Variants in PPP1R16B observed in about 807,000 individuals in gnomAD.
PPP1R16B encodes protein phosphatase 1 regulatory subunit 16B.
In PPP1R16B, 14 loss-of-function variants were observed where a neutral mutation model predicts 61.7. The ratio of observed to expected loss-of-function variants is 0.23; its 90% confidence interval spans 0.15 to 0.35. The LOEUF (loss-of-function observed/expected upper bound fraction) is 0.35, where lower values mean the gene tolerates loss of function less well. PPP1R16B is among the 10% of genes least tolerant of loss of function. The pLI is 1.00. For missense variants in PPP1R16B, 547 were observed against 752.5 expected, an observed-to-expected ratio of 0.73 and a Z score of 3.19; for synonymous variants, 266 against 305.3, an observed-to-expected ratio of 0.87 and a Z score of 1.34.
chr20:38,898,201 T>C (rs967716680), intron 4 of PPP1R16B, among the ~76,000 whole-genome samples: 1 of 152,242 alleles, frequency 6.6e-6, no homozygotes, highest in African/African-American at 2.4e-5. Flanking sequence ...TTCTTTTGCA[T>C]GCGGATATCC....
intron 10 of PPP1R16B, among the ~76,000 whole-genome samples, chr20:38,909,592 G>T (rs1002891509): frequency 1.3e-5 from 2 of 152,178 alleles, no homozygotes; most frequent in Non-Finnish European, 2.9e-5. Flanking sequence ...TGCCATTTTC[G>T]TTCTTCCACT....
chr20:38,829,493 T>C (rs999589500), intron 1 of PPP1R16B, among the ~76,000 whole-genome samples: 39 of 152,362 alleles, frequency 2.6e-4, no homozygotes, highest in African/African-American at 9.4e-4. Flanking sequence ...GGGCTTGCTA[T>C]GTCTCCATGG....
intron 2 of PPP1R16B, among the ~76,000 whole-genome samples, chr20:38,883,603 G>A (rs2085219466): frequency 6.6e-6 from 1 of 152,176 alleles, no homozygotes; most frequent in Non-Finnish European, 1.5e-5. Context: ...TGTGTAGGGG[G>A]TGGCGGGGCA....
At position 38,813,453 on chromosome 20, in the gene PPP1R16B, A is replaced by C. The variant is rs930583577; in HGVS notation, c.-102+7661A>C. ...CCAGGTGATTCTGATTCACAGCCAG[A>C]CTGATGGAAGGGAAGGTGGGAGGAA... On this transcript the variant is annotated intron_variant, in intron 1 of 10. Transcript: ENST00000299824. Among the ~76,000 whole-genome samples the C allele has an allele frequency of 3.3e-5, 5 of 152,158 alleles. No homozygotes were observed. In the East Asian group the frequency reaches 9.6e-4, roughly 29 times the overall value.
At chr20:38,896,051 CT>C (rs2085341943) in intron 4 of PPP1R16B, among the ~76,000 whole-genome samples, 1 of 133,032 alleles carries the variant, frequency 7.5e-6, no homozygotes, top group Non-Finnish European at 1.5e-5. Context: ...TCTTTTCTCC[CT>C]TCCTCCCTTC....
rs376912760 is a variant in PPP1R16B, at chr20:38,906,000, G to A, written c.728G>A (p.Arg243Gln). The part of the protein sequence containing the change: ...LHIAGANGYL[R>Q]AAELLLDHGV... ...ATAGCTGGAGCCAATGGATACCTGC[G>A]GGCAGCTGAGCTCCTCCTGGACCAT... is the stretch of plus-strand genomic sequence containing the variant. The change falls in exon 7 of 11, where the codon CGG (arginine) becomes CAG (glutamine). Residue 243 changes from arginine (R) to glutamine (Q), a missense_variant. Coordinates refer to ENST00000299824, the MANE Select transcript of PPP1R16B (RefSeq NM_015568.4). The A allele has an allele frequency of 1.9e-5, 30 of 1,613,318 alleles. No homozygotes were observed. The African/African-American group carries it at 1.9e-4, about 10-fold the overall frequency.
chr20:38,822,733 T>A (rs1184717594), intron 1 of PPP1R16B, among the ~76,000 whole-genome samples: 2 of 152,172 alleles, frequency 1.3e-5, no homozygotes, highest in African/African-American at 4.8e-5. Context: ...AAAATGGAAG[T>A]GAATTTTCAG....
chr20:38,848,521 T>C (rs1359180345), intron 2 of PPP1R16B, among the ~76,000 whole-genome samples: 6 of 152,246 alleles, frequency 3.9e-5, no homozygotes, highest in African/African-American at 1.4e-4. Flanking sequence ...TAATATGTGA[T>C]AAAACAAGTT....
chr20:38,879,992 G>C (rs1457861112), intron 2 of PPP1R16B, among the ~76,000 whole-genome samples: 1 of 151,582 alleles, frequency 6.6e-6, no homozygotes, highest in African/African-American at 2.4e-5. Flanking sequence ...TTGTCCAAAG[G>C]AAGAAGCATA....
At chr20:38,821,495 C>T (rs1054235885) in intron 1 of PPP1R16B, among the ~76,000 whole-genome samples, 1 of 152,136 alleles carries the variant, frequency 6.6e-6, no homozygotes, top group African/African-American at 2.4e-5. Context: ...GACTAGTGGG[C>T]TATATACACA....
intron 2 of PPP1R16B, among the ~76,000 whole-genome samples, chr20:38,884,096 G>A (rs866348122): frequency 1.2e-4 from 18 of 152,166 alleles, no homozygotes; most frequent in African/African-American, 4.8e-5. Context: ...TGCCTTTCTC[G>A]TCTTTGTGCT....
At chr20:38,853,322 G>A (rs1277527021) in intron 2 of PPP1R16B, among the ~76,000 whole-genome samples, 4 of 152,164 alleles carry the variant, frequency 2.6e-5, no homozygotes, top group African/African-American at 9.7e-5. Flanking sequence ...CTCATCCTTT[G>A]TCTACCATGT....
chr20:38,891,055 G>C (rs2085288494), intron 3 of PPP1R16B, among the ~76,000 whole-genome samples: 1 of 152,218 alleles, frequency 6.6e-6, no homozygotes, highest in Non-Finnish European at 1.5e-5. Context: ...GACTCCACTA[G>C]GGAGCAGAGA....
At chr20:38,891,763 C>T (rs1403752655) in intron 3 of PPP1R16B, among the ~76,000 whole-genome samples, 1 of 151,580 alleles carries the variant, frequency 6.6e-6, no homozygotes, top group Non-Finnish European at 1.5e-5. Context: ...GATCATGCCA[C>T]TACCCTCCAG....
intron 1 of PPP1R16B, among the ~76,000 whole-genome samples, chr20:38,834,087 T>G (rs1386158662): frequency 6.6e-6 from 1 of 152,222 alleles, no homozygotes; most frequent in Non-Finnish European, 1.5e-5. Flanking sequence ...ACAAACATGC[T>G]GCATTTACAT....
chr20:38,852,467 C>T (rs2084975301), intron 2 of PPP1R16B, among the ~76,000 whole-genome samples: 1 of 152,138 alleles, frequency 6.6e-6, no homozygotes, highest in African/African-American at 2.4e-5. Context: ...GGCTGGTCAA[C>T]CATGGTCGAT....
At position 38,880,158 on chromosome 20, in the gene PPP1R16B, C is replaced by T. The variant is rs116404912; in HGVS notation, c.251-9437C>T. 8.0e-3 allele frequency among the ~76,000 whole-genome samples: 1,212 copies of T among 152,318 alleles called. 15 individuals are homozygous for T. Among genetic ancestry groups the T allele is most frequent in the African/African-American group, 0.028 (1,167 of 41,554 alleles). On this transcript the variant is annotated intron_variant, in intron 2 of 10. Coordinates refer to ENST00000299824, the MANE Select transcript of PPP1R16B (RefSeq NM_015568.4). ...CAAAAGATGGTCCTACTCACCCTAT[C>T]CCTCCAGAACTTTAGTGTCGTAAAG... is the stretch of plus-strand genomic sequence containing the variant.
At chr20:38,900,155 A>G (rs549579508) in intron 4 of PPP1R16B, among the ~76,000 whole-genome samples, 32 of 152,308 alleles carry the variant, frequency 2.1e-4, no homozygotes, top group African/African-American at 6.3e-4. Flanking sequence ...CTGAGCTATT[A>G]TAAGGGTTAA....
At chr20:38,865,235 C>A (rs1289996436) in intron 2 of PPP1R16B, among the ~76,000 whole-genome samples, 2 of 151,786 alleles carry the variant, frequency 1.3e-5, no homozygotes, top group African/African-American at 2.4e-5. Context: ...GGCACACAGA[C>A]CTCTGACTTG....
Sources: gnomAD v4.1 joint callset for allele counts (sites outside exome capture counted in the v4.1 genomes callset) on GRCh38, gnomAD v4.1.1 for gene constraint, MANE v1.5 for transcripts, NCBI Gene and HGNC (gene_info 2026-07-23, HGNC 2026-07-21) for gene names.